BRIP1: variants seen among roughly 807,000 people sequenced by gnomAD.
The protein encoded by BRIP1 is BRCA1 interacting DNA helicase 1, also known as Fanconi anemia group J protein.
In BRIP1, 88 loss-of-function variants were observed where a neutral mutation model predicts 119.7. The ratio of observed to expected loss-of-function variants is 0.74; its 90% CI spans 0.62 to 0.88. The LOEUF (loss-of-function observed/expected upper bound fraction) is 0.88, where lower values mean the gene tolerates loss of function less well. BRIP1 is among the 40% of genes least tolerant of loss of function. The pLI, the probability that BRIP1 is intolerant of heterozygous loss-of-function variation, is 0.00. For missense variants in BRIP1, 1,259 were observed against 1,455.4 expected, an observed-to-expected ratio of 0.87 and a Z score of 2.20; for synonymous variants, 443 against 496.5, an observed-to-expected ratio of 0.89 and a Z score of 1.43.
intron 6 of BRIP1, among the ~76,000 whole-genome samples, chr17:61,830,347 G>A (rs1183205524): frequency 7.3e-6 from 1 of 136,340 alleles, no homozygotes; most frequent in East Asian, 2.2e-4. Flanking sequence ...TGGAAAAACA[G>A]AAAGTCAACA....
intron 14 of BRIP1, among the ~76,000 whole-genome samples, chr17:61,772,754 G>A (rs1031970998): frequency 1.4e-5 from 2 of 147,974 alleles, no homozygotes; most frequent in African/African-American, 5.0e-5. Context: ...GGAGGCAGAG[G>A]TTGCAGTGAG....
Position 61,736,564 on chromosome 17 carries a change from T to A in BRIP1, c.2379+6449A>T, listed in dbSNP as rs1408393534. Among the ~76,000 whole-genome samples the A allele has an allele frequency of 3.3e-5, 5 of 152,174 alleles. No homozygotes were observed. Among genetic ancestry groups the A allele is most frequent in the Non-Finnish European group, 5.9e-5 (4 of 68,024 alleles). Reference sequence around the variant, plus strand: ...TTTACTACCATCCTGTTCATTATTATCTAATGATTACTATCATTTCCATCC... The same window carrying A: ...TTTACTACCATCCTGTTCATTATTAACTAATGATTACTATCATTTCCATCC... On this transcript the variant is annotated intron_variant, in intron 16 of 19. Transcript: ENST00000259008. This position sits in a 1 kb window ranked among gnomAD's most constrained non-coding sequence, Gnocchi z 4.4.
rs1156388419 is a variant in BRIP1, at chr17:61,689,748, T to C, written c.2576-3583A>G. The stretch of plus-strand genomic sequence containing the variant: ...TCACTAGGCCGGGCATGAAGGCTCA[T>C]GCCTATAATCCCAACACTTTGGGAG... On this transcript the variant is annotated intron_variant, in intron 18 of 19. Transcript: ENST00000259008. This position sits in a 1 kb window ranked among gnomAD's most constrained non-coding sequence, Gnocchi z 4.5. Among the ~76,000 whole-genome samples the C allele has an allele frequency of 6.6e-6, 1 of 152,208 alleles. No homozygotes were observed. The highest frequency in any genetic ancestry group is 2.4e-5 in the African/African-American group (1 of 41,456).
chr17:61,770,370 C>T lies in BRIP1; in HGVS notation c.2097+6031G>A, dbSNP rs1469432931. On this transcript the variant is annotated intron_variant, in intron 14 of 19. Transcript: ENST00000259008. The surrounding 1 kb of genome is among the most constrained non-coding windows in gnomAD (Gnocchi z 4.7). Reference sequence around the variant, plus strand: ...CTATTTAAGAATAAGTTTTTAGGGACATTGGAGAGTAACTCAAGTCCACAT... The same window carrying T: ...CTATTTAAGAATAAGTTTTTAGGGATATTGGAGAGTAACTCAAGTCCACAT... Among the ~76,000 whole-genome samples the T allele has an allele frequency of 6.6e-6, 1 of 152,090 alleles. No homozygotes were observed. The highest frequency in any genetic ancestry group is 1.5e-5 in the Non-Finnish European group (1 of 68,020).
At chr17:61,772,448 G>A (rs940680850) in intron 14 of BRIP1, among the ~76,000 whole-genome samples, 3 of 151,706 alleles carry the variant, frequency 2.0e-5, no homozygotes, top group African/African-American at 7.3e-5. Context: ...GTTCTTATTT[G>A]GTATGATGAA....
rs751839770 is a variant in BRIP1 at position 61,842,764 on chromosome 17, A to T, written c.627+4337T>A. On this transcript the variant is annotated intron_variant, in intron 6 of 19. Coordinates refer to ENST00000259008, the MANE Select transcript of BRIP1 (RefSeq NM_032043.3). The surrounding 1 kb of genome is among the most constrained non-coding windows in gnomAD (Gnocchi z 5.1). ...TACTACCACTTGGCGCTTAAACTCT[A>T]AGGTATGCCAGATACTCTCAGCACT... Among the ~76,000 whole-genome samples, 7 of 152,164 alleles carry T rather than the reference A, an allele frequency of 4.6e-5. No individual in the cohort carries two copies. Among genetic ancestry groups the T allele is most frequent in the Non-Finnish European group, 7.3e-5 (5 of 68,032 alleles).
chr17:61,701,525 C>T lies in BRIP1; in HGVS notation c.2493-8013G>A, dbSNP rs1329785524. ...AATAACTCTGATCTTGTTTTCACTT[C>T]CTGCTTCAGCAGAGCACCAAGGTGA... On this transcript the variant is annotated intron_variant, in intron 17 of 19. Transcript: ENST00000259008. The surrounding 1 kb of genome is among the most constrained non-coding windows in gnomAD (Gnocchi z 5.1). 1.3e-5 allele frequency among the ~76,000 whole-genome samples: 2 copies of T among 152,204 alleles called. No homozygotes were observed. The highest frequency in any genetic ancestry group is 2.9e-5 in the Non-Finnish European group (2 of 68,026).
In BRIP1 at chr17:61,808,776, A is replaced by G. The variant is rs1396804103; in HGVS notation, c.628-19T>C. On this transcript the variant is annotated intron_variant, in intron 6 of 19. Coordinates refer to ENST00000259008, the MANE Select transcript of BRIP1 (RefSeq NM_032043.3). The surrounding 1 kb of genome is among the most constrained non-coding windows in gnomAD (Gnocchi z 4.1). ...CAGGGGGCTGTAAGAAAGGAAAGAAACGATAACTAATATCTAAACTACCAT... is the reference window on the plus strand; with the variant it reads ...CAGGGGGCTGTAAGAAAGGAAAGAAGCGATAACTAATATCTAAACTACCAT... The G allele has an allele frequency of 6.2e-7, 1 of 1,607,106 alleles. No homozygotes were observed. The highest frequency in any genetic ancestry group is 1.1e-5 in the South Asian group (1 of 91,006).
chr17:61,735,491 CA>C lies in BRIP1; in HGVS notation c.2379+7521del, dbSNP rs1306600429. Among the ~76,000 whole-genome samples the C allele has an allele frequency of 2.6e-5, 4 of 151,882 alleles. No individual in the cohort carries two copies. Among genetic ancestry groups the C allele is most frequent in the Non-Finnish European group, 5.9e-5 (4 of 67,972 alleles). ...GAAACTGTGAATAGCTTCTTGAAGC[CA>C]AGAGTACACCTTAGGGCTAGGCACG... On this transcript the variant is annotated intron_variant, in intron 16 of 19. Transcript: ENST00000259008. The surrounding 1 kb of genome is among the most constrained non-coding windows in gnomAD (Gnocchi z 4.4).
At chr17:61,698,760 G>T (rs1262873401) in intron 17 of BRIP1, among the ~76,000 whole-genome samples, 1 of 151,474 alleles carries the variant, frequency 6.6e-6, no homozygotes, top group Non-Finnish European at 1.5e-5. Context: ...AGTTGCCCAG[G>T]CTGGAGTGAA....
At position 61,799,611 on chromosome 17, in the gene BRIP1, T is replaced by C. The variant is rs754315161; in HGVS notation, c.1141-312A>G. ...CACAGAAAGGTATAAAATCCCACTATGAAAGTGTTTCCAACATAATTTTAC... is the reference window on the plus strand; with the variant it reads ...CACAGAAAGGTATAAAATCCCACTACGAAAGTGTTTCCAACATAATTTTAC... On this transcript the variant is annotated intron_variant, in intron 8 of 19. Coordinates refer to ENST00000259008, the MANE Select transcript of BRIP1 (RefSeq NM_032043.3). This position sits in a 1 kb window ranked among gnomAD's most constrained non-coding sequence, Gnocchi z 5.1. 3.3e-5 allele frequency among the ~76,000 whole-genome samples: 5 copies of C among 152,114 alleles called. No individual in the cohort carries two copies. Among genetic ancestry groups the C allele is most frequent in the Admixed American group, 6.6e-5 (1 of 15,256 alleles).
Position 61,687,894 on chromosome 17 carries a change from G to T in BRIP1, c.2576-1729C>A, listed in dbSNP as rs1036185275. ...TTCTGGGAGGCTGCCCCAGGGACTG[G>T]CTTCTATCTTACCTGTACTGAAGAG... On this transcript the variant is annotated intron_variant, in intron 18 of 19. Transcript: ENST00000259008. This position sits in a 1 kb window ranked among gnomAD's most constrained non-coding sequence, Gnocchi z 5.1. Among the ~76,000 whole-genome samples, 1 of 152,148 alleles carries T rather than the reference G, an allele frequency of 6.6e-6. No individual in the cohort carries two copies. Among genetic ancestry groups the T allele is most frequent in the Non-Finnish European group, 1.5e-5 (1 of 68,024 alleles).
chr17:61,849,190 T>C lies in BRIP1; in HGVS notation c.446A>G (p.Asp149Gly), dbSNP rs770613242. ...CTCTACTTGAAAATCATCATTTTCA[T>C]CTCTGTATATGGATGCCTGTTTCTT... ...SAKKQASIYR[D>G]ENDDFQVEKK... The change falls in exon 5 of 20, where the codon GAT (aspartate) becomes GGT (glycine). Residue 149 changes from aspartate to glycine, a missense_variant. Asp to Gly is a moderately conservative substitution (Grantham distance 94). This residue lies in a region of BRIP1 where 501 missense variants were observed against 544.0 expected (regional missense o/e 0.92). Transcript: ENST00000259008. 4.3e-6 allele frequency: 7 copies of C among 1,612,624 alleles called. No individual in the cohort carries two copies. Among genetic ancestry groups the C allele is most frequent in the Middle Eastern group, 1.7e-4 (1 of 6,054 alleles).
At chr17:61,719,353 G>A (rs972353644) in intron 16 of BRIP1, among the ~76,000 whole-genome samples, 1 of 151,826 alleles carries the variant, frequency 6.6e-6, no homozygotes, top group Non-Finnish European at 1.5e-5. Context: ...ATGGAACTGA[G>A]GACACTACCT....
In BRIP1 at chr17:61,754,760, G is replaced by A. The variant is rs1220777974; in HGVS notation, c.2098-10169C>T. ...CTTGGCTTGCAGACAGCCACCTTCT[G>A]TGTCCTCACATGGCCTTTCCTCTCT... On this transcript the variant is annotated intron_variant, in intron 14 of 19. Coordinates refer to ENST00000259008, the MANE Select transcript of BRIP1 (RefSeq NM_032043.3). The surrounding 1 kb of genome is among the most constrained non-coding windows in gnomAD (Gnocchi z 4.1). Among the ~76,000 whole-genome samples the A allele has an allele frequency of 2.0e-5, 3 of 152,188 alleles. No homozygotes were observed. The highest frequency in any genetic ancestry group is 4.4e-5 in the Non-Finnish European group (3 of 68,040).
chr17:61,762,980 GAAA>G lies in BRIP1; in HGVS notation c.2097+13418_2097+13420del, dbSNP rs2077299903. 6.6e-6 allele frequency among the ~76,000 whole-genome samples: 1 copy of G among 152,096 alleles called. No individual in the cohort carries two copies. Among genetic ancestry groups the G allele is most frequent in the African/African-American group, 2.4e-5 (1 of 41,422 alleles). On this transcript the variant is annotated intron_variant, in intron 14 of 19. Coordinates refer to ENST00000259008, the MANE Select transcript of BRIP1 (RefSeq NM_032043.3). The surrounding 1 kb of genome is among the most constrained non-coding windows in gnomAD (Gnocchi z 4.3). ...GGAATTGGAGAACATTATGCTAAGT[GAAA>G]TAAGCCAGGCACAGAAAGATAAATG... is the stretch of plus-strand genomic sequence containing the variant.
chr17:61,829,914 A>C (rs1443082318), intron 6 of BRIP1, among the ~76,000 whole-genome samples: 1 of 150,546 alleles, frequency 6.6e-6, no homozygotes, highest in African/African-American at 2.5e-5. Flanking sequence ...GTTATCAACT[A>C]TTTAAGTTTC....
At position 61,804,173 on chromosome 17, in the gene BRIP1, C is replaced by T. The variant is rs2078037258; in HGVS notation, c.919-2699G>A. The stretch of plus-strand genomic sequence containing the variant: ...AGGAGATGGAGGATCTAGAAAAAGC[C>T]TCTCTTTTCATTTTCTAACCACATA... On this transcript the variant is annotated intron_variant, in intron 7 of 19. Transcript: ENST00000259008. This position sits in a 1 kb window ranked among gnomAD's most constrained non-coding sequence, Gnocchi z 4.5. Among the ~76,000 whole-genome samples, 1 of 151,902 alleles carries T rather than the reference C, an allele frequency of 6.6e-6. No individual in the cohort carries two copies. The highest frequency in any genetic ancestry group is 1.5e-5 in the Non-Finnish European group (1 of 67,980).
rs2078082164 is a variant in BRIP1, at chr17:61,806,899, T to C, written c.918+1568A>G. ...TTTTTAGTAGAGATGTGTTTTGCCA[T>C]GTTGGCCAGGCCAGTCTCGAACTCC... is the stretch of plus-strand genomic sequence containing the variant. On this transcript the variant is annotated intron_variant, in intron 7 of 19. Transcript: ENST00000259008. The surrounding 1 kb of genome is among the most constrained non-coding windows in gnomAD (Gnocchi z 4.9). 6.6e-6 allele frequency among the ~76,000 whole-genome samples: 1 copy of C among 152,190 alleles called. No individual in the cohort carries two copies. Among genetic ancestry groups the C allele is most frequent in the Non-Finnish European group, 1.5e-5 (1 of 68,024 alleles).
Sources: gnomAD v4.1 joint callset for allele counts (sites outside exome capture counted in the v4.1 genomes callset) on GRCh38, gnomAD v4.1.1 for gene constraint, gnomAD v4.1.1 regional missense constraint, Gnocchi (gnomAD v3.1) non-coding constraint, MANE v1.5 for transcripts, NCBI Gene and HGNC (gene_info 2026-07-23, HGNC 2026-07-21) for gene names.